The following KALRN variants were observed in gnomAD, a reference collection of about 807,000 sequenced individuals.
KALRN encodes the protein kalirin RhoGEF kinase.
In KALRN, 70 loss-of-function variants were observed where a neutral mutation model predicts 353.7. The ratio of observed to expected loss-of-function variants is 0.20; its 90% CI spans 0.16 to 0.24. KALRN has a LOEUF of 0.24. Among genes scored for constraint, KALRN ranks in the 10% least tolerant of loss-of-function variants. The pLI is 1.00. For missense variants in KALRN, 2,791 were observed against 3,756.7 expected (o/e 0.74, Z 6.72); for synonymous variants, 1,391 against 1,434.8 (o/e 0.97, Z 0.69).
intron 1 of KALRN, among the ~76,000 whole-genome samples, chr3:124,221,026 C>T (rs180916781): frequency 0.011 from 1,627 of 152,324 alleles, 21 homozygotes; most frequent in Admixed American, 0.019. Context: ...ACCTGGCTCT[C>T]GGAGTCTCCG....
intron 5 of KALRN, among the ~76,000 whole-genome samples, chr3:124,286,075 T>TTTCCTTCCTTCCTTCCTTCC (rs201099722): frequency 7.4e-6 from 1 of 134,878 alleles, no homozygotes; most frequent in African/African-American, 2.8e-5. Flanking sequence ...TCTTTCTTTC[T>TTTCCTTCCTTCCTTCCTTCC]TTCCTTCCTT....
intron 1 of KALRN, among the ~76,000 whole-genome samples, chr3:124,067,436 T>C (rs1669009755): frequency 6.6e-6 from 1 of 150,718 alleles, no homozygotes; most frequent in South Asian, 2.1e-4. Flanking sequence ...CACAGCCAAA[T>C]TAGGATGCTC....
chr3:124,173,772 C>G (rs866271931), intron 1 of KALRN, among the ~76,000 whole-genome samples: 1 of 152,094 alleles, frequency 6.6e-6, no homozygotes, highest in South Asian at 2.1e-4. Context: ...TGTGCCACCA[C>G]GCCTGGTTAA....
intron 1 of KALRN, among the ~76,000 whole-genome samples, chr3:124,186,126 C>A (rs183476153): frequency 2.6e-4 from 39 of 152,244 alleles, no homozygotes; most frequent in Admixed American, 1.3e-3. Context: ...AGTGGAGTAT[C>A]TTCATAAGAC....
At chr3:124,302,244 G>C (rs2077327555) in intron 6 of KALRN, among the ~76,000 whole-genome samples, 1 of 152,188 alleles carries the variant, frequency 6.6e-6, no homozygotes, top group South Asian at 2.1e-4. Flanking sequence ...GGAGAGTCCA[G>C]CGGAGAGATA....
At chr3:124,468,336 A>G (rs542327803) in intron 25 of KALRN, among the ~76,000 whole-genome samples, 3 of 152,104 alleles carry the variant, frequency 2.0e-5, no homozygotes, top group Non-Finnish European at 4.4e-5. Context: ...CAACCCCTTG[A>G]AACACAAGGG....
Position 124,460,177 on chromosome 3 carries a change from C to T in KALRN, c.3855-1713C>T, listed in dbSNP as rs528939017. ...CAGGGGCCACTCTACTCCAGTACTG[C>T]AGTGATACTGTTTCCAAATAAGACC... On this transcript the variant is annotated intron_variant, in intron 23 of 59. Transcript: ENST00000682506. Among the ~76,000 whole-genome samples the T allele has an allele frequency of 8.5e-5, 13 of 152,258 alleles. No homozygotes were observed. In the East Asian group the frequency reaches 2.5e-3, roughly 29 times the overall value.
At chr3:124,376,187 G>T (rs1048301886) in intron 10 of KALRN, among the ~76,000 whole-genome samples, 1 of 152,158 alleles carries the variant, frequency 6.6e-6, no homozygotes, top group African/African-American at 2.4e-5. Flanking sequence ...GTGTTGGGAG[G>T]TATTGGCACC....
At position 124,049,631 on chromosome 3, in the gene KALRN, G is replaced by A. The variant is rs200087535; in HGVS notation, c.73+15818G>A. Among the ~76,000 whole-genome samples, 14 of 152,298 alleles carry A rather than the reference G, an allele frequency of 9.2e-5. No individual in the cohort carries two copies. The East Asian group carries it at 2.7e-3, about 29-fold the overall frequency. ...AGTGACAGCCTGTACTGCACTTGAGGACTGTACATTTTTTCATGTCTGGTA... is the reference window on the plus strand; with the variant it reads ...AGTGACAGCCTGTACTGCACTTGAGAACTGTACATTTTTTCATGTCTGGTA... On this transcript the variant is annotated intron_variant, in intron 1 of 59. Transcript: ENST00000682506.
chr3:124,527,370 G>A (rs2067675842), intron 33 of KALRN, among the ~76,000 whole-genome samples: 1 of 152,124 alleles, frequency 6.6e-6, no homozygotes, highest in African/African-American at 2.4e-5. Context: ...AGCACTTAGG[G>A]AGGCCAAGGC....
intron 1 of KALRN, among the ~76,000 whole-genome samples, chr3:124,197,728 C>T (rs1263565992): frequency 6.6e-6 from 1 of 152,206 alleles, no homozygotes; most frequent in Non-Finnish European, 1.5e-5. Context: ...TGACCACAGA[C>T]CCTATACTGC....
At chr3:124,174,174 C>G (rs1023332522) in intron 1 of KALRN, among the ~76,000 whole-genome samples, 10 of 152,062 alleles carry the variant, frequency 6.6e-5, no homozygotes, top group Admixed American at 2.0e-4. Context: ...TAGCTCATGC[C>G]TGTAATCCCA....
chr3:124,452,109 C>A (rs1480115781), intron 21 of KALRN, among the ~76,000 whole-genome samples: 3 of 152,182 alleles, frequency 2.0e-5, no homozygotes, highest in East Asian at 3.9e-4. Context: ...AAAGCTGTGA[C>A]CAGGCATTTG....
At chr3:124,327,333 C>T (rs1437873026) in intron 7 of KALRN, among the ~76,000 whole-genome samples, 9 of 152,238 alleles carry the variant, frequency 5.9e-5, no homozygotes, top group Non-Finnish European at 1.0e-4. Flanking sequence ...GATGTTCTGG[C>T]GTAGTATTCA....
chr3:124,523,911 A>G (rs1041722904), intron 33 of KALRN, among the ~76,000 whole-genome samples: 5 of 152,178 alleles, frequency 3.3e-5, no homozygotes, highest in African/African-American at 9.7e-5. Context: ...TAGAAGCTTA[A>G]TTTCTAAATC....
At chr3:124,224,179 C>A (rs1483675676) in intron 1 of KALRN, among the ~76,000 whole-genome samples, 1 of 149,582 alleles carries the variant, frequency 6.7e-6, no homozygotes, top group African/African-American at 2.5e-5. Context: ...CCTGCAGCAA[C>A]TCCAAGGGCT....
intron 1 of KALRN, among the ~76,000 whole-genome samples, chr3:124,046,495 G>T (rs2040486011): frequency 6.6e-6 from 1 of 152,204 alleles, no homozygotes; most frequent in African/African-American, 2.4e-5. Flanking sequence ...GAAGAGAGGA[G>T]ATGGATTGGA....
chr3:124,243,090 A>G (rs1347841698), intron 3 of KALRN, among the ~76,000 whole-genome samples: 2 of 152,154 alleles, frequency 1.3e-5, no homozygotes, highest in Non-Finnish European at 2.9e-5. Context: ...TGAGTCCGAG[A>G]TGTTTCCTTC....
At chr3:124,573,866 GA>G (rs1477852059) in intron 34 of KALRN, among the ~76,000 whole-genome samples, 14 of 152,152 alleles carry the variant, frequency 9.2e-5, no homozygotes, top group African/African-American at 2.9e-4. Flanking sequence ...GATAATATTT[GA>G]TATATTTGAG....
Sources: gnomAD v4.1 joint callset for allele counts (sites outside exome capture counted in the v4.1 genomes callset) on GRCh38, gnomAD v4.1.1 for gene constraint, MANE v1.5 for transcripts, NCBI Gene and HGNC (gene_info 2026-07-23, HGNC 2026-07-21) for gene names.